Variants in BANP observed in about 807,000 individuals in gnomAD.
BANP encodes BTG3 associated nuclear protein, also known as protein BANP.
Under a neutral mutation model 68.1 loss-of-function variants are expected in BANP, and 11 were observed. The observed-to-expected ratio is 0.16, with a 90% CI of 0.10 to 0.27. The LOEUF is 0.27. BANP is among the 10% of genes least tolerant of loss of function. The pLI is 1.00. For missense variants in BANP, 504 were observed against 722.7 expected, an observed-to-expected ratio of 0.70 and a Z score of 3.47; for synonymous variants, 329 against 303.2, an observed-to-expected ratio of 1.09 and a Z score of -0.88.
chr16:88,006,041 G>A, intron 5 of BANP, 49 bp from the exon 6 acceptor site: 2 of 1,612,146 alleles, frequency 1.2e-6, no homozygotes, highest in Admixed American at 1.7e-5. Flanking sequence ...TTCGCGTGCT[G>A]CTTGCGGCTC....
chr16:87,968,185 C>A (rs796761349), intron 1 of BANP, among the ~76,000 whole-genome samples: 3 of 151,850 alleles, frequency 2.0e-5, no homozygotes, highest in Admixed American at 6.6e-5. Context: ...CTACTGGTTT[C>A]ATTAGGAAAT....
chr16:88,031,604 A>G (rs1362185532), intron 8 of BANP, among the ~76,000 whole-genome samples: 1 of 151,498 alleles, frequency 6.6e-6, no homozygotes, highest in African/African-American at 2.4e-5. Flanking sequence ...AGCCAAGGTC[A>G]TACCACTACA....
At chr16:87,952,855 G>T (rs753015433) in intron 1 of BANP, 6 of 152,130 alleles carry the variant, frequency 3.9e-5, no homozygotes, top group Non-Finnish European at 8.8e-5. Context: ...GCTCACTGCA[G>T]CCTCGGCCTC....
chr16:87,988,388 T>TAC (rs2065004490), intron 4 of BANP, among the ~76,000 whole-genome samples: 1 of 151,930 alleles, frequency 6.6e-6, no homozygotes, highest in African/African-American at 2.4e-5. Flanking sequence ...CTCAGCCTCC[T>TAC]GAGTAGCTGG....
intron 1 of BANP, among the ~76,000 whole-genome samples, chr16:87,959,653 G>A (rs187424218): frequency 4.7e-4 from 71 of 152,354 alleles, no homozygotes; most frequent in Admixed American, 1.8e-3. Context: ...GACACATGGA[G>A]CATTGGAGGA....
intron 8 of BANP, among the ~76,000 whole-genome samples, chr16:88,032,232 C>T (rs2078338840): frequency 1.3e-5 from 2 of 152,158 alleles, no homozygotes; most frequent in East Asian, 1.9e-4. Flanking sequence ...GATGGAGTCT[C>T]GCTCTGTTGC....
intron 11 of BANP, among the ~76,000 whole-genome samples, chr16:88,063,263 G>C (rs933262210): frequency 6.6e-6 from 1 of 152,170 alleles, no homozygotes; most frequent in African/African-American, 2.4e-5. Flanking sequence ...CTCGGCTTTC[G>C]CCTCTCAGCC....
Position 87,986,137 on chromosome 16 carries a change from C to T in BANP, c.362+1878C>T, listed in dbSNP as rs148462163. 7.8e-3 allele frequency among the ~76,000 whole-genome samples: 1,185 copies of T among 152,260 alleles called. 12 individuals are homozygous for T. Among genetic ancestry groups the T allele is most frequent in the African/African-American group, 0.026 (1,087 of 41,544 alleles). On this transcript the variant is annotated intron_variant, in intron 4 of 13. Coordinates refer to ENST00000682872, the MANE Select transcript of BANP (RefSeq NM_001386991.1). ...AATCTTGACCACCAAAGATGTCCCA[C>T]GGGATCTCAAAGCACCCCTGGGCAC...
Position 88,006,261 on chromosome 16 carries a change from G to A in BANP, c.651G>A (p.Ser217=), listed in dbSNP as rs141911325. 26 of 1,600,110 alleles carry A rather than the reference G, an allele frequency of 1.6e-5. No homozygotes were observed. Among genetic ancestry groups the A allele is most frequent in the African/African-American group, 5.3e-5 (4 of 74,858 alleles). The part of the protein sequence containing the change: ...GSNVTLITLN[S]EEDYPNGTWL... ...ACGTCACGCTCATCACCCTGAACTC[G>A]GAAGGTGCGTCCAGGGCGGCTTTCC... Residue 217 remains serine, a synonymous_variant, in exon 6 of 14, where the codon TCG becomes TCA. Coordinates refer to ENST00000682872, the MANE Select transcript of BANP (RefSeq NM_001386991.1).
intron 8 of BANP, among the ~76,000 whole-genome samples, chr16:88,032,594 T>C (rs1258485489): frequency 6.6e-6 from 1 of 152,246 alleles, no homozygotes; most frequent in Non-Finnish European, 1.5e-5. Context: ...AAAGTTTTTC[T>C]GCGCTCTTAA....
At chr16:87,965,826 C>G (rs765213800) in intron 1 of BANP, among the ~76,000 whole-genome samples, 2 of 152,190 alleles carry the variant, frequency 1.3e-5, no homozygotes, top group Non-Finnish European at 2.9e-5. Context: ...GTTGTAGAAA[C>G]AGTTTCACAG....
At chr16:87,962,226 C>G (rs942396059) in intron 1 of BANP, among the ~76,000 whole-genome samples, 1 of 103,980 alleles carries the variant, frequency 9.6e-6, no homozygotes, top group African/African-American at 3.9e-5. Context: ...GGCTACAGAG[C>G]GAGACTTGGT....
chr16:88,056,095 C>A (rs2084929673), intron 11 of BANP, among the ~76,000 whole-genome samples: 2 of 152,122 alleles, frequency 1.3e-5, no homozygotes, highest in African/African-American at 4.8e-5. Context: ...GAGGTGGGGC[C>A]CTGACTTACA....
At position 88,033,183 on chromosome 16, in the gene BANP, G is replaced by T. The variant is rs757034546; in HGVS notation, c.1138G>T (p.Ala380Ser). ...PQPQPQALHY[A>S]LANAQQVQIH... ...GCCGCAGCCGCAGGCCCTGCACTAC[G>T]CGCTGGCCAACGCACAGCAGGTGCA... is the stretch of plus-strand genomic sequence containing the variant. Residue 380 changes from alanine (A) to serine (S), a missense_variant, in exon 9 of 14, where the codon GCG becomes TCG. Ala to Ser is a moderately conservative substitution (Grantham distance 99). Coordinates refer to ENST00000682872, the MANE Select transcript of BANP (RefSeq NM_001386991.1). 6.2e-7 allele frequency: 1 copy of T among 1,611,452 alleles called. No homozygotes were observed. The highest frequency in any genetic ancestry group is 1.7e-5 in the Admixed American group (1 of 59,950).
Position 87,957,517 on chromosome 16 carries a change from G to C in BANP, c.-69+6002G>C, listed in dbSNP as rs1444878630. On this transcript the variant is annotated intron_variant, in intron 1 of 13. Coordinates refer to ENST00000682872, the MANE Select transcript of BANP (RefSeq NM_001386991.1). The surrounding 1 kb of genome is among the most constrained non-coding windows in gnomAD (Gnocchi z 4.3). The stretch of plus-strand genomic sequence containing the variant: ...TGGGGCGGTTTTGAGGCAAGCTCAC[G>C]GAGGCCTGCCGCAGGGCCCTGCGCT... Among the ~76,000 whole-genome samples the C allele has an allele frequency of 6.6e-6, 1 of 152,238 alleles. No homozygotes were observed.
In BANP at chr16:88,061,123, G is replaced by T. The variant is rs143648416; in HGVS notation, c.1312-4144G>T. Among the ~76,000 whole-genome samples, 18 of 152,310 alleles carry T rather than the reference G, an allele frequency of 1.2e-4. No individual in the cohort carries two copies. In the East Asian group the frequency reaches 1.7e-3, roughly 15 times the overall value. ...CTTTGTGTTGCCTTCTCCCAAGGCTGTGCTTGATTGAGGTTCATGCTGAAA... is the reference window on the plus strand; with the variant it reads ...CTTTGTGTTGCCTTCTCCCAAGGCTTTGCTTGATTGAGGTTCATGCTGAAA... On this transcript the variant is annotated intron_variant, in intron 11 of 13. Transcript: ENST00000682872.
chr16:87,993,832 C>T (rs1243532050), intron 4 of BANP, among the ~76,000 whole-genome samples: 24 of 152,140 alleles, frequency 1.6e-4, no homozygotes, highest in Non-Finnish European at 4.4e-5. Context: ...AACTCCTGAC[C>T]TCAGGTGATC....
At chr16:88,048,463 A>T (rs1045421807) in intron 11 of BANP, among the ~76,000 whole-genome samples, 2 of 152,128 alleles carry the variant, frequency 1.3e-5, no homozygotes, top group African/African-American at 4.8e-5. Flanking sequence ...GATTTAAGAA[A>T]GGACATCGAT....
intron 1 of BANP, among the ~76,000 whole-genome samples, chr16:87,962,701 T>C (rs968910503): frequency 1.3e-5 from 2 of 152,196 alleles, no homozygotes; most frequent in African/African-American, 4.8e-5. Context: ...GAAAAAGCAG[T>C]GTTGCCTGAA....
Sources: gnomAD v4.1 joint callset for allele counts (sites outside exome capture counted in the v4.1 genomes callset) on GRCh38, gnomAD v4.1.1 for gene constraint, Gnocchi (gnomAD v3.1) non-coding constraint, MANE v1.5 for transcripts, NCBI Gene and HGNC (gene_info 2026-07-23, HGNC 2026-07-21) for gene names.